The following TEK variants were observed in gnomAD, a reference collection of about 807,000 sequenced individuals.
TEK encodes TEK receptor tyrosine kinase, also known as angiopoietin-1 receptor.
A neutral mutation model predicts 131.8 loss-of-function variants in TEK; 43 were observed. The ratio of observed to expected loss-of-function variants is 0.33; its 90% CI spans 0.26 to 0.42. The LOEUF (loss-of-function observed/expected upper bound fraction) is 0.42, where lower values mean the gene tolerates loss of function less well. Among genes scored for constraint, TEK ranks in the 10% least tolerant of loss-of-function variants. The pLI, the probability that TEK is intolerant of heterozygous loss-of-function variation, is 1.00. For synonymous variants in TEK, 580 were observed against 491.6 expected, an observed-to-expected ratio of 1.18 and a Z score of -2.38; for missense variants, 1,162 against 1,384.4, an observed-to-expected ratio of 0.84 and a Z score of 2.55.
intron 10 of TEK, 77 bp downstream of exon 10, chr9:27,190,767 C>G: frequency 6.3e-7 from 1 of 1,575,582 alleles, no homozygotes. Flanking sequence ...CTAGAAATTC[C>G]CTTCTCCCTG....
intron 16 of TEK, 65 bp from the exon 17 acceptor site, chr9:27,212,642 C>T: frequency 6.4e-7 from 1 of 1,567,506 alleles, no homozygotes; most frequent in Non-Finnish European, 8.8e-7. Context: ...TTCCACAGCA[C>T]ATCTCTTAAA....
chr9:27,165,648 C>T (rs1823702156), intron 2 of TEK, among the ~76,000 whole-genome samples: 1 of 152,184 alleles, frequency 6.6e-6, no homozygotes, highest in Non-Finnish European at 1.5e-5. Context: ...AGGTAGGTAT[C>T]ATTACTTTTC....
intron 2 of TEK, among the ~76,000 whole-genome samples, chr9:27,162,151 G>A (rs1289074787): frequency 1.3e-5 from 2 of 152,160 alleles, no homozygotes; most frequent in Admixed American, 6.5e-5. Context: ...GATGAATCAG[G>A]AAAAACCTCC....
intron 11 of TEK, among the ~76,000 whole-genome samples, chr9:27,194,566 TTCTC>T (rs532962090): frequency 6.1e-4 from 93 of 152,308 alleles, no homozygotes; most frequent in African/African-American, 2.0e-3. Flanking sequence ...TGGTAGTTAA[TTCTC>T]TCTCAAGTCA....
At chr9:27,154,155 C>G (rs1281907048) in intron 1 of TEK, among the ~76,000 whole-genome samples, 1 of 152,036 alleles carries the variant, frequency 6.6e-6, no homozygotes, top group Non-Finnish European at 1.5e-5. Context: ...CTTTCTGTCT[C>G]TCTTTTATTT....
chr9:27,204,580 T>C (rs903896072), intron 13 of TEK, among the ~76,000 whole-genome samples: 3 of 152,236 alleles, frequency 2.0e-5, no homozygotes, highest in Non-Finnish European at 4.4e-5. Flanking sequence ...CCTGTAGTAA[T>C]TCTCCCTATT....
rs111637971 is a variant in TEK at position 27,180,337 on chromosome 9, A to T, written c.999A>T (p.Pro333=). ...CDRFQGCLCS[P]GWQGLQCERE... ...GCTTCCAAGGATGTCTCTGCTCTCCAGGATGGCAGGGGCTCCAGTGTGAGA... is the reference window on the plus strand; with the variant it reads ...GCTTCCAAGGATGTCTCTGCTCTCCTGGATGGCAGGGGCTCCAGTGTGAGA... The change falls in exon 7 of 23, where the codon CCA becomes CCT. Residue 333 remains proline (P), a synonymous_variant. Coordinates refer to ENST00000380036, the MANE Select transcript of TEK (RefSeq NM_000459.5). 4 of 1,613,716 alleles carry T rather than the reference A, an allele frequency of 2.5e-6. No homozygotes were observed. The highest frequency in any genetic ancestry group is 1.7e-4 in the Middle Eastern group (1 of 6,056).
chr9:27,157,685 C>T, intron 1 of TEK, 146 bp from the exon 2 acceptor site: 1 of 975,430 alleles, frequency 1.0e-6, no homozygotes, highest in East Asian at 2.4e-5. Flanking sequence ...TGGATTTTGT[C>T]CAGTGGAAGA....
At chr9:27,206,855 C>A (rs535387667) in intron 15 of TEK, 63 bp downstream of exon 15, 21 of 1,553,232 alleles carry the variant, frequency 1.4e-5, no homozygotes, top group African/African-American at 4.1e-5. Flanking sequence ...TGATTTCCTG[C>A]TCATTCTTTC....
chr9:27,221,519 A>G (rs1052548650), intron 21 of TEK, among the ~76,000 whole-genome samples: 1 of 150,144 alleles, frequency 6.7e-6, no homozygotes, highest in African/African-American at 2.5e-5. Flanking sequence ...GACATCTTAT[A>G]CAGGACAGCT....
intron 6 of TEK, among the ~76,000 whole-genome samples, chr9:27,173,734 TTG>T (rs373072914): frequency 0.1 from 14,330 of 137,362 alleles, 861 homozygotes; most frequent in Admixed American, 0.17. Context: ...TTTTTTTTTT[TTG>T]GTTTTTTTTT....
chr9:27,168,411 T>G (rs1231021359), intron 2 of TEK, 84 bp from the exon 3 acceptor site: 1 of 1,059,760 alleles, frequency 9.4e-7, no homozygotes, highest in Non-Finnish European at 1.5e-6. Flanking sequence ...GTGCCAGCCC[T>G]CATTTTCTGA....
intron 21 of TEK, among the ~76,000 whole-genome samples, chr9:27,223,078 A>G (rs1317198178): frequency 6.6e-6 from 1 of 152,246 alleles, no homozygotes; most frequent in African/African-American, 2.4e-5. Context: ...CTAACTAACT[A>G]TCTTAAATAT....
Position 27,168,492 on chromosome 9 carries a change from A to T in TEK, c.365-3A>T. 6.2e-7 allele frequency: 1 copy of T among 1,611,418 alleles called. No individual in the cohort carries two copies. Among genetic ancestry groups the T allele is most frequent in the East Asian group, 2.2e-5 (1 of 44,820 alleles). On this transcript the variant is annotated splice_polypyrimidine_tract_variant and splice_region_variant and intron_variant, in intron 2 of 22. Transcript: ENST00000380036. ...TTGGTATTTGTTTTCTCTCTTTTAAAAGCTTCCTTCCTACCAGCTACTTTA... is the reference window on the plus strand; with the variant it reads ...TTGGTATTTGTTTTCTCTCTTTTAATAGCTTCCTTCCTACCAGCTACTTTA...
chr9:27,159,224 C>T (rs1403311014), intron 2 of TEK, among the ~76,000 whole-genome samples: 5 of 152,142 alleles, frequency 3.3e-5, no homozygotes, highest in Non-Finnish European at 7.3e-5. Context: ...CAATTCTCAG[C>T]TTAGGTTGCC....
In TEK at chr9:27,199,148, A is replaced by G. The variant is rs551901263; in HGVS notation, c.1909+1549A>G. On this transcript the variant is annotated intron_variant, in intron 12 of 22. Coordinates refer to ENST00000380036, the MANE Select transcript of TEK (RefSeq NM_000459.5). Reference sequence around the variant, plus strand: ...TCTGAAAGTATACACATGCATACATATCATTCTTCATTTTTTGAATGGACA... The same window carrying G: ...TCTGAAAGTATACACATGCATACATGTCATTCTTCATTTTTTGAATGGACA... Among the ~76,000 whole-genome samples, 148 of 152,318 alleles carry G rather than the reference A, an allele frequency of 9.7e-4. 1 individual carries two copies. The highest frequency in any genetic ancestry group is 6.8e-3 in the Middle Eastern group (2 of 294).
intron 15 of TEK, among the ~76,000 whole-genome samples, chr9:27,207,097 A>T (rs982943400): frequency 2.6e-5 from 4 of 152,226 alleles, no homozygotes; most frequent in African/African-American, 9.6e-5. Flanking sequence ...TGCTTCTCCA[A>T]ATTGAGTGTG....
chr9:27,168,851 A>G (rs1170512228), intron 3 of TEK, among the ~76,000 whole-genome samples: 1 of 152,226 alleles, frequency 6.6e-6, no homozygotes, highest in Non-Finnish European at 1.5e-5. Flanking sequence ...ATAAAACCCC[A>G]TCATAATGTG....
intron 1 of TEK, among the ~76,000 whole-genome samples, chr9:27,150,083 T>G (rs1223685884): frequency 3.3e-5 from 5 of 152,126 alleles, no homozygotes; most frequent in African/African-American, 4.8e-5. Context: ...AAATCTTTTT[T>G]CTCTTCCCCC....
Sources: allele counts gnomAD v4.1 joint callset (sites outside exome capture counted in the v4.1 genomes callset), GRCh38; gene constraint gnomAD v4.1.1; transcripts MANE v1.5; gene names NCBI Gene and HGNC (gene_info 2026-07-23, HGNC 2026-07-21).